Variants in UGT1A8 observed in about 807,000 individuals in gnomAD.
UGT1A8 encodes the protein UDP-glucuronosyltransferase 1A8.
UGT1A8 carries 39 observed loss-of-function variants against 45.3 expected under a neutral mutation model. The ratio of observed to expected loss-of-function variants is 0.86; its 90% CI spans 0.67 to 1.12. The LOEUF (loss-of-function observed/expected upper bound fraction) is 1.12. Among genes scored for constraint, UGT1A8 ranks in the 50% most tolerant of loss-of-function variants. UGT1A8 has a pLI of 0.00. For synonymous variants in UGT1A8, 275 were observed against 249.2 expected (o/e 1.10, Z -0.97); for missense variants, 719 against 664.9 (o/e 1.08, Z -0.90).
At chr2:233,657,844 G>C (rs1168777109) in intron 1 of UGT1A8, among the ~76,000 whole-genome samples, 1 of 151,938 alleles carries the variant, frequency 6.6e-6, no homozygotes, top group East Asian at 1.9e-4. Flanking sequence ...AAGAAATTGG[G>C]TTTTCTCTTC....
In UGT1A8 at chr2:233,744,657, C is replaced by T. The variant is rs1019492138; in HGVS notation, c.856-22377C>T. Among the ~76,000 whole-genome samples the T allele has an allele frequency of 2.6e-3, 395 of 152,040 alleles. 3 individuals carry two copies. The highest frequency in any genetic ancestry group is 6.8e-3 in the Middle Eastern group (2 of 294). The stretch of plus-strand genomic sequence containing the variant: ...CATGTCAGCTTCTGTATTCAATCTA[C>T]TGTGATATTACACATCACCCATGTA... On this transcript the variant is annotated intron_variant, in intron 1 of 4. Coordinates refer to ENST00000373450, the MANE Select transcript of UGT1A8 (RefSeq NM_019076.5).
intron 1 of UGT1A8, chr2:233,691,428 T>A: frequency 4.1e-6 from 4 of 985,592 alleles, no homozygotes; most frequent in Non-Finnish European, 4.8e-6. Context: ...CTAATCATGT[T>A]GCTCAGGCTT....
intron 1 of UGT1A8, among the ~76,000 whole-genome samples, chr2:233,676,955 A>G (rs28969708): frequency 6.6e-6 from 1 of 152,258 alleles, no homozygotes; most frequent in African/African-American, 2.4e-5. Context: ...TTTGATTACT[A>G]TAGCTGTGTA....
intron 1 of UGT1A8, among the ~76,000 whole-genome samples, chr2:233,623,452 G>A (rs889665071): frequency 2.0e-5 from 3 of 152,146 alleles, no homozygotes; most frequent in African/African-American, 7.2e-5. Flanking sequence ...TCCTTTGTAA[G>A]TTGGATTCCT....
intron 1 of UGT1A8, chr2:233,754,743 C>A (rs1442095371): frequency 4.1e-6 from 3 of 727,770 alleles, no homozygotes; most frequent in Middle Eastern, 2.7e-4. Flanking sequence ...GTAGGACATG[C>A]AGAAGGAAGA....
At chr2:233,720,760 C>CA (rs931829626) in intron 1 of UGT1A8, among the ~76,000 whole-genome samples, 1 of 148,948 alleles carries the variant, frequency 6.7e-6, no homozygotes, top group African/African-American at 2.5e-5. Context: ...GGCTGGAGGG[C>CA]AGTGGCCGGA....
At chr2:233,728,962 C>G (rs1481350452) in intron 1 of UGT1A8, 1 of 1,451,462 alleles carries the variant, frequency 6.9e-7, no homozygotes. Context: ...CAGTGAAAAA[C>G]AGTGATAGAT....
At chr2:233,747,507 C>A in intron 1 of UGT1A8, 2 of 1,608,136 alleles carry the variant, frequency 1.2e-6, no homozygotes, top group South Asian at 2.2e-5. Flanking sequence ...CCACACTCAA[C>A]TGTACTTTGA....
chr2:233,686,502 C>T (rs144675493), intron 1 of UGT1A8, among the ~76,000 whole-genome samples: 2 of 152,152 alleles, frequency 1.3e-5, no homozygotes, highest in African/African-American at 4.8e-5. Context: ...CAGGTGAGCC[C>T]AGGTGGAGCC....
chr2:233,715,952 G>A (rs1392770925), intron 1 of UGT1A8, among the ~76,000 whole-genome samples: 1 of 152,134 alleles, frequency 6.6e-6, no homozygotes, highest in Admixed American at 6.5e-5. Flanking sequence ...TTTGTTGACT[G>A]ACTGACTGAT....
Position 233,671,942 on chromosome 2 carries a change from G to A in UGT1A8, c.855+53380G>A, listed in dbSNP as rs145084767. 1.1e-3 allele frequency: 1,748 copies of A among 1,610,580 alleles called. 1 individual carries two copies. The highest frequency in any genetic ancestry group is 1.8e-3 in the Admixed American group (107 of 59,832). On this transcript the variant is annotated intron_variant, in intron 1 of 4. Transcript: ENST00000373450. Reference sequence around the variant, plus strand: ...CTCAGCTGCAGTTCTCTGATGGCTTGCACAGGGTGGACCAGCCCCCTTCCT... The same window carrying A: ...CTCAGCTGCAGTTCTCTGATGGCTTACACAGGGTGGACCAGCCCCCTTCCT...
chr2:233,639,019 C>G (rs991489168), intron 1 of UGT1A8, among the ~76,000 whole-genome samples: 1 of 152,262 alleles, frequency 6.6e-6, no homozygotes, highest in Non-Finnish European at 1.5e-5. Context: ...AGCCTTCGGC[C>G]GAGTTGAGGA....
intron 1 of UGT1A8, among the ~76,000 whole-genome samples, chr2:233,762,341 A>C (rs1325926558): frequency 6.6e-6 from 1 of 152,206 alleles, no homozygotes; most frequent in Non-Finnish European, 1.5e-5. Flanking sequence ...AGCTCTTTTT[A>C]GTTCTTTGTA....
At chr2:233,734,012 C>T (rs930293751) in intron 1 of UGT1A8, among the ~76,000 whole-genome samples, 5 of 151,904 alleles carry the variant, frequency 3.3e-5, no homozygotes, top group East Asian at 1.9e-4. Flanking sequence ...TGTTAAATGA[C>T]GAGTTAATGG....
intron 1 of UGT1A8, among the ~76,000 whole-genome samples, chr2:233,640,796 T>C (rs1423685201): frequency 6.6e-6 from 1 of 152,138 alleles, no homozygotes; most frequent in Non-Finnish European, 1.5e-5. Flanking sequence ...TAGGAAGCAG[T>C]TGGAAGATGA....
intron 1 of UGT1A8, among the ~76,000 whole-genome samples, chr2:233,619,093 G>A (rs1007004065): frequency 3.9e-5 from 6 of 152,038 alleles, no homozygotes; most frequent in African/African-American, 1.4e-4. Flanking sequence ...TCAGTTTTGT[G>A]TATATTCTTT....
At chr2:233,761,270 CTT>C in intron 1 of UGT1A8, 1 of 1,591,968 alleles carries the variant, frequency 6.3e-7, no homozygotes, top group Non-Finnish European at 8.6e-7. Context: ...AAAATGCCCT[CTT>C]TTGTTAATTT....
chr2:233,676,690 T>C (rs749968657), intron 1 of UGT1A8, among the ~76,000 whole-genome samples: 2 of 152,216 alleles, frequency 1.3e-5, no homozygotes, highest in Non-Finnish European at 2.9e-5. Flanking sequence ...AGGTGTCCTG[T>C]AGAATGTTCC....
intron 1 of UGT1A8, among the ~76,000 whole-genome samples, chr2:233,637,610 A>C (rs754373694): frequency 6.6e-6 from 1 of 152,222 alleles, no homozygotes; most frequent in Non-Finnish European, 1.5e-5. Flanking sequence ...TTCAGGCTAC[A>C]TTTTAAAATA....
Sources: gnomAD v4.1 joint callset for allele counts (sites outside exome capture counted in the v4.1 genomes callset) on GRCh38, gnomAD v4.1.1 for gene constraint, MANE v1.5 for transcripts, NCBI Gene and HGNC (gene_info 2026-07-23, HGNC 2026-07-21) for gene names.